WWOX: variants seen among roughly 807,000 people sequenced by gnomAD.
WWOX encodes the protein WW domain-containing oxidoreductase.
Under a neutral mutation model 46.2 loss-of-function variants are expected in WWOX, and 69 were observed. The observed-to-expected ratio is 1.49, with a 90% CI of 1.23 to 1.82. The LOEUF is 1.82. WWOX is among the 40% of genes most tolerant of loss of function. The pLI, the probability that WWOX is intolerant of heterozygous loss-of-function variation, is 0.00. For synonymous variants in WWOX, 359 were observed against 202.6 expected (o/e 1.77, Z -6.56); for missense variants, 919 against 542.6 (o/e 1.69, Z -6.89).
intron 5 of WWOX, among the ~76,000 whole-genome samples, chr16:78,276,513 C>G (rs1465429616): frequency 3.9e-5 from 6 of 152,252 alleles, no homozygotes; most frequent in Non-Finnish European, 5.9e-5. Flanking sequence ...GAGCCCCACT[C>G]TTCTCCCTTT....
chr16:78,994,934 C>G (rs779771523), intron 8 of WWOX, among the ~76,000 whole-genome samples: 2 of 135,958 alleles, frequency 1.5e-5, no homozygotes, highest in Admixed American at 7.3e-5. Flanking sequence ...AGGTGCAAGC[C>G]TTTTTTTTTT....
intron 5 of WWOX, among the ~76,000 whole-genome samples, chr16:78,243,822 C>G (rs2037733703): frequency 6.6e-6 from 1 of 152,248 alleles, no homozygotes; most frequent in Non-Finnish European, 1.5e-5. Context: ...GCTGAGATCA[C>G]AGGCGTGAGC....
intron 8 of WWOX, among the ~76,000 whole-genome samples, chr16:78,735,748 C>G (rs1004373321): frequency 6.6e-6 from 1 of 151,744 alleles, no homozygotes; most frequent in Non-Finnish European, 1.5e-5. Flanking sequence ...TGGACTCTAA[C>G]TTTAGAATGT....
intron 8 of WWOX, among the ~76,000 whole-genome samples, chr16:79,102,918 C>CCT (rs200510534): frequency 0.024 from 3,680 of 152,148 alleles, 167 homozygotes; most frequent in African/African-American, 0.084. Flanking sequence ...GGTGGCTCCT[C>CCT]CTCTCTGTCC....
chr16:78,551,406 G>A (rs553356144), intron 8 of WWOX: 2 of 152,132 alleles, frequency 1.3e-5, no homozygotes, highest in African/African-American at 2.4e-5. Context: ...CATTGACCCA[G>A]TGTTGTAAGG....
chr16:78,487,785 C>T lies in WWOX; in HGVS notation c.1056+55033C>T, dbSNP rs148957939. Among the ~76,000 whole-genome samples the T allele has an allele frequency of 1.8e-4, 28 of 152,234 alleles. No homozygotes were observed. The East Asian group carries it at 5.2e-3, about 28-fold the overall frequency. ...GAAACTAGTGTTCCAGAGCTACATT[C>T]TTAGCTGCTTACTGCATCATTGTTT... On this transcript the variant is annotated intron_variant, in intron 8 of 8. Coordinates refer to ENST00000566780, the MANE Select transcript of WWOX (RefSeq NM_016373.4).
chr16:78,811,802 A>G (rs74611503), intron 8 of WWOX, among the ~76,000 whole-genome samples: 4,531 of 152,280 alleles, frequency 0.03, 77 homozygotes, highest in African/African-American at 0.048. Context: ...GGGCTTTGAC[A>G]TATGAATGAG....
intron 8 of WWOX, among the ~76,000 whole-genome samples, chr16:78,614,383 A>G (rs1292389637): frequency 6.6e-6 from 1 of 152,246 alleles, no homozygotes; most frequent in Non-Finnish European, 1.5e-5. Flanking sequence ...TCTTCAATGC[A>G]TCATTTATTC....
At chr16:78,180,018 C>G (rs1327259845) in intron 5 of WWOX, among the ~76,000 whole-genome samples, 1 of 152,190 alleles carries the variant, frequency 6.6e-6, no homozygotes, top group Non-Finnish European at 1.5e-5. Flanking sequence ...GCAGAAGTTG[C>G]AAATAACTTG....
At chr16:78,567,341 C>T (rs1013158851) in intron 8 of WWOX, among the ~76,000 whole-genome samples, 17 of 151,038 alleles carry the variant, frequency 1.1e-4, no homozygotes, top group Admixed American at 6.0e-4. Context: ...GTCAGGAGAT[C>T]GAGACCATCC....
chr16:78,616,844 C>G (rs956993362), intron 8 of WWOX, among the ~76,000 whole-genome samples: 1 of 152,092 alleles, frequency 6.6e-6, no homozygotes, highest in African/African-American at 2.4e-5. Flanking sequence ...ATAATTACCT[C>G]CCAAAGTCCG....
chr16:79,099,276 A>G (rs986009561), intron 8 of WWOX, among the ~76,000 whole-genome samples: 4 of 152,172 alleles, frequency 2.6e-5, no homozygotes, highest in African/African-American at 9.7e-5. Context: ...TGTCAACATG[A>G]GATTTGGTGG....
intron 8 of WWOX, among the ~76,000 whole-genome samples, chr16:78,827,986 T>G (rs1183088052): frequency 1.3e-5 from 2 of 152,094 alleles, no homozygotes; most frequent in Non-Finnish European, 2.9e-5. Context: ...GCTGTTGAAA[T>G]TGTCAGGTTA....
chr16:78,932,714 C>T (rs1195133343), intron 8 of WWOX, among the ~76,000 whole-genome samples: 1 of 152,220 alleles, frequency 6.6e-6, no homozygotes, highest in African/African-American at 2.4e-5. Flanking sequence ...ATCCACATCA[C>T]AGAGAGCTGG....
Position 78,327,869 on chromosome 16 carries a change from ATTTTTTTTTTTT to A in WWOX, c.517-58975_517-58964del, listed in dbSNP as rs762650030. ...AATGAGCTAGCCTGAATGAGTCCTGATTTTTTTTTTTTTTTTTTTTTTTTTTTGAGATGATCT... is the reference window on the plus strand; with the variant it reads ...AATGAGCTAGCCTGAATGAGTCCTGATTTTTTTTTTTTTTTGAGATGATCT... On this transcript the variant is annotated intron_variant, in intron 5 of 8. Transcript: ENST00000566780. Among the ~76,000 whole-genome samples, 9 of 81,096 alleles carry A rather than the reference ATTTTTTTTTTTT, an allele frequency of 1.1e-4. No homozygotes were observed. In the East Asian group the frequency reaches 3.7e-3, roughly 34 times the overall value. 53.2% of individuals were successfully genotyped at this position (81,096 alleles called of 152,430 possible).
At chr16:78,252,777 C>T (rs907373455) in intron 5 of WWOX, among the ~76,000 whole-genome samples, 10 of 152,120 alleles carry the variant, frequency 6.6e-5, no homozygotes, top group Non-Finnish European at 1.5e-5. Context: ...AGGATTATAG[C>T]AAATCATCAA....
At chr16:79,077,141 C>T (rs2048673068) in intron 8 of WWOX, among the ~76,000 whole-genome samples, 1 of 152,144 alleles carries the variant, frequency 6.6e-6, no homozygotes. Context: ...TAAGCCCGTG[C>T]TTTGTAGAAT....
Position 78,547,137 on chromosome 16 carries a change from A to AC in WWOX, c.1056+114385_1056+114386insC, listed in dbSNP as rs1567635670. The stretch of plus-strand genomic sequence containing the variant: ...TGAGACCTTGTCTCAGAAAAAAAAA[A>AC]AAAAAAAAAAAAAAAAAAAAAACAA... On this transcript the variant is annotated intron_variant, in intron 8 of 8. Transcript: ENST00000566780. 9.4e-3 allele frequency among the ~76,000 whole-genome samples: 424 copies of AC among 44,886 alleles called. 7 individuals carry two copies. The highest frequency in any genetic ancestry group is 0.015 in the African/African-American group (385 of 25,266). 29.4% of individuals were successfully genotyped at this position (44,886 alleles called of 152,430 possible).
At chr16:78,476,867 C>T (rs947180308) in intron 8 of WWOX, among the ~76,000 whole-genome samples, 1 of 152,032 alleles carries the variant, frequency 6.6e-6, no homozygotes, top group African/African-American at 2.4e-5. Flanking sequence ...CCTTCCCTCC[C>T]TTCCTGATTT....
Sources: gnomAD v4.1 joint callset for allele counts (sites outside exome capture counted in the v4.1 genomes callset) on GRCh38, gnomAD v4.1.1 for gene constraint, MANE v1.5 for transcripts, NCBI Gene and HGNC (gene_info 2026-07-23, HGNC 2026-07-21) for gene names.